Variants in ZNF804A observed in about 807,000 individuals in gnomAD.
ZNF804A encodes the protein zinc finger protein 804A.
In ZNF804A, 2 loss-of-function variants were observed where a neutral mutation model predicts 16.5. The observed-to-expected ratio is 0.12, with a 90% CI of 0.05 to 0.38. The LOEUF (loss-of-function observed/expected upper bound fraction) is 0.38. Ranked by LOEUF, ZNF804A falls within the 10% of genes least tolerant of loss-of-function variation. The pLI, the probability that ZNF804A is intolerant of heterozygous loss-of-function variation, is 0.99. For synonymous variants in ZNF804A, 534 were observed against 489.6 expected, an observed-to-expected ratio of 1.09 and a Z score of -1.20; for missense variants, 1,473 against 1,390.7, an observed-to-expected ratio of 1.06 and a Z score of -0.94.
At chr2:184,932,626 A>C (rs531435762) in intron 2 of ZNF804A, among the ~76,000 whole-genome samples, 162 of 152,314 alleles carry the variant, frequency 1.1e-3, no homozygotes, top group African/African-American at 3.4e-3. Context: ...ACATTATATC[A>C]CTAGTATAAG....
intron 2 of ZNF804A, among the ~76,000 whole-genome samples, chr2:184,871,169 C>T (rs541476426): frequency 6.6e-6 from 1 of 151,420 alleles, no homozygotes; most frequent in Non-Finnish European, 1.5e-5. Context: ...AGGATGATAT[C>T]TCCAAAGAGC....
intron 1 of ZNF804A, among the ~76,000 whole-genome samples, chr2:184,858,387 C>G (rs896406059): frequency 4.0e-5 from 6 of 151,630 alleles, no homozygotes; most frequent in African/African-American, 1.5e-4. Flanking sequence ...ATCTGTAATT[C>G]CAGGCACTCG....
chr2:184,829,859 C>T (rs77593164), intron 1 of ZNF804A, among the ~76,000 whole-genome samples: 11 of 130,308 alleles, frequency 8.4e-5, no homozygotes, highest in Non-Finnish European at 1.7e-4. Flanking sequence ...CCCAGGAGTT[C>T]GAGATCAACC....
intron 1 of ZNF804A, among the ~76,000 whole-genome samples, chr2:184,836,169 C>A (rs1410433035): frequency 6.6e-6 from 1 of 152,058 alleles, no homozygotes; most frequent in Non-Finnish European, 1.5e-5. Context: ...ATGGTAGTTG[C>A]TTTTTAAAAT....
intron 1 of ZNF804A, among the ~76,000 whole-genome samples, chr2:184,698,003 T>C (rs1231806380): frequency 6.6e-6 from 1 of 152,050 alleles, no homozygotes; most frequent in East Asian, 1.9e-4. Flanking sequence ...ACATAGACTT[T>C]TATTTGGAAA....
At chr2:184,840,863 A>G (rs568578706) in intron 1 of ZNF804A, among the ~76,000 whole-genome samples, 1 of 152,244 alleles carries the variant, frequency 6.6e-6, no homozygotes, top group East Asian at 1.9e-4. Flanking sequence ...ACTCAAACAT[A>G]GACCCTAGGT....
At chr2:184,673,315 G>T (rs1692367916) in intron 1 of ZNF804A, among the ~76,000 whole-genome samples, 1 of 152,104 alleles carries the variant, frequency 6.6e-6, no homozygotes, top group Non-Finnish European at 1.5e-5. Context: ...TCCTACAGCT[G>T]CCCCTTCTCA....
intron 1 of ZNF804A, among the ~76,000 whole-genome samples, chr2:184,649,957 C>A (rs964970173): frequency 2.0e-5 from 3 of 151,794 alleles, no homozygotes; most frequent in Non-Finnish European, 2.9e-5. Flanking sequence ...CTAACTAATT[C>A]TATAAATCCA....
At chr2:184,732,903 A>G (rs917420168) in intron 1 of ZNF804A, among the ~76,000 whole-genome samples, 2 of 152,112 alleles carry the variant, frequency 1.3e-5, no homozygotes, top group Non-Finnish European at 2.9e-5. Flanking sequence ...GTAATTGCCT[A>G]TTAGTCCCAG....
rs151024294 is a variant in ZNF804A at position 184,614,977 on chromosome 2, G to A, written c.111+15907G>A. Among the ~76,000 whole-genome samples the A allele has an allele frequency of 4.6e-3, 702 of 152,324 alleles. 9 individuals carry two copies. The highest frequency in any genetic ancestry group is 0.015 in the African/African-American group (643 of 41,574). ...TTCAACTATTGTGAAAGACAGTGTG[G>A]TGATTCCTCAAGGATCCAGAACCAG... On this transcript the variant is annotated intron_variant, in intron 1 of 3. Coordinates refer to ENST00000302277, the MANE Select transcript of ZNF804A (RefSeq NM_194250.2).
Position 184,807,403 on chromosome 2 carries a change from G to A in ZNF804A, c.112-58966G>A, listed in dbSNP as rs185400239. Reference sequence around the variant, plus strand: ...GGGGGTGAAGGGATAGATGTGAAGGGATAGATGAAGCTACATGTTTTAGAG... The same window carrying A: ...GGGGGTGAAGGGATAGATGTGAAGGAATAGATGAAGCTACATGTTTTAGAG... On this transcript the variant is annotated intron_variant, in intron 1 of 3. Transcript: ENST00000302277. Among the ~76,000 whole-genome samples the A allele has an allele frequency of 2.1e-4, 32 of 151,878 alleles. 1 individual carries two copies. Among genetic ancestry groups the A allele is most frequent in the Admixed American group, 2.0e-3 (30 of 15,264 alleles).
intron 1 of ZNF804A, among the ~76,000 whole-genome samples, chr2:184,751,883 T>C (rs1693882651): frequency 6.6e-6 from 1 of 151,538 alleles, no homozygotes; most frequent in African/African-American, 2.4e-5. Flanking sequence ...AAAAAAATGC[T>C]CAATATCACT....
intron 1 of ZNF804A, among the ~76,000 whole-genome samples, chr2:184,676,646 C>A (rs1692440837): frequency 6.6e-6 from 1 of 151,398 alleles, no homozygotes; most frequent in African/African-American, 2.4e-5. Context: ...AATGTTTTTT[C>A]TGAAAGCTGT....
intron 1 of ZNF804A, among the ~76,000 whole-genome samples, chr2:184,777,619 C>T (rs543515145): frequency 5.9e-5 from 9 of 151,622 alleles, no homozygotes; most frequent in Non-Finnish European, 1.2e-4. Context: ...ACAAAAGAAA[C>T]TCATACAACC....
At chr2:184,847,098 C>G (rs1233714261) in intron 1 of ZNF804A, among the ~76,000 whole-genome samples, 1 of 152,090 alleles carries the variant, frequency 6.6e-6, no homozygotes, top group East Asian at 1.9e-4. Flanking sequence ...AAGAATTTTT[C>G]TTGTTCCAGT....
chr2:184,686,141 G>C (rs1460008581), intron 1 of ZNF804A, among the ~76,000 whole-genome samples: 1 of 152,226 alleles, frequency 6.6e-6, no homozygotes, highest in Non-Finnish European at 1.5e-5. Flanking sequence ...GCACTTCTGA[G>C]CTTGCGGGGC....
chr2:184,874,438 C>A (rs1012239592), intron 2 of ZNF804A, among the ~76,000 whole-genome samples: 2 of 151,960 alleles, frequency 1.3e-5, no homozygotes, highest in Non-Finnish European at 2.9e-5. Flanking sequence ...ATTATGATAT[C>A]AAATTTTCTG....
chr2:184,681,968 T>C (rs917056715), intron 1 of ZNF804A, among the ~76,000 whole-genome samples: 8 of 152,196 alleles, frequency 5.3e-5, no homozygotes, highest in Non-Finnish European at 1.2e-4. Flanking sequence ...CGGAGTGCTG[T>C]TGTGACCCAG....
At chr2:184,814,023 G>GTTTTTTTTTT (rs1231774388) in intron 1 of ZNF804A, among the ~76,000 whole-genome samples, 15 of 109,330 alleles carry the variant, frequency 1.4e-4, no homozygotes, top group Admixed American at 2.2e-4. Context: ...TTTTTTTTTG[G>GTTTTTTTTTT]CTTGTCTACT....
Sources: gnomAD v4.1 joint callset for allele counts (sites outside exome capture counted in the v4.1 genomes callset) on GRCh38, gnomAD v4.1.1 for gene constraint, MANE v1.5 for transcripts, NCBI Gene and HGNC (gene_info 2026-07-23, HGNC 2026-07-21) for gene names.